Variants in UNC5D observed in about 807,000 individuals in gnomAD.
UNC5D encodes unc-5 netrin receptor D.
Under a neutral mutation model 105.4 loss-of-function variants are expected in UNC5D, and 39 were observed. The observed-to-expected ratio is 0.37, with a 90% CI of 0.29 to 0.48. The LOEUF (loss-of-function observed/expected upper bound fraction) is 0.48. Ranked by LOEUF, UNC5D falls within the 20% of genes least tolerant of loss-of-function variation. UNC5D has a pLI of 0.98. For missense variants in UNC5D, 991 were observed against 1,202.4 expected, an observed-to-expected ratio of 0.82 and a Z score of 2.60; for synonymous variants, 452 against 450.4, an observed-to-expected ratio of 1.00 and a Z score of -0.04.
intron 1 of UNC5D, among the ~76,000 whole-genome samples, chr8:35,432,078 T>G (rs1806682624): frequency 6.6e-6 from 1 of 152,146 alleles, no homozygotes; most frequent in Non-Finnish European, 1.5e-5. Context: ...CTGGAGTCAG[T>G]ATACCTGAGT....
At chr8:35,428,423 C>T (rs1213616621) in intron 1 of UNC5D, among the ~76,000 whole-genome samples, 4 of 142,308 alleles carry the variant, frequency 2.8e-5, no homozygotes, top group Middle Eastern at 3.9e-3. Context: ...TGGGCTCAAG[C>T]GATCCTCCTG....
At chr8:35,381,425 C>A (rs1444617183) in intron 1 of UNC5D, among the ~76,000 whole-genome samples, 4 of 152,142 alleles carry the variant, frequency 2.6e-5, no homozygotes, top group Admixed American at 6.5e-5. Flanking sequence ...GTTAACAGAT[C>A]CCTTCCAGCT....
At chr8:35,469,077 C>A (rs1286275987) in intron 1 of UNC5D, among the ~76,000 whole-genome samples, 2 of 152,152 alleles carry the variant, frequency 1.3e-5, no homozygotes, top group East Asian at 3.9e-4. Context: ...TCCTCACTAA[C>A]AGGACTCTTG....
intron 1 of UNC5D, among the ~76,000 whole-genome samples, chr8:35,341,280 T>C (rs1811435410): frequency 6.6e-6 from 1 of 152,066 alleles, no homozygotes; most frequent in Non-Finnish European, 1.5e-5. Flanking sequence ...TTTTGATATC[T>C]ATGGGGAAAA....
intron 1 of UNC5D, among the ~76,000 whole-genome samples, chr8:35,322,194 T>A (rs145965586): frequency 6.6e-6 from 1 of 152,274 alleles, no homozygotes; most frequent in African/African-American, 2.4e-5. Flanking sequence ...AAAGGGATAT[T>A]TATTTCCTTG....
chr8:35,653,913 T>G (rs1004728368), intron 4 of UNC5D, among the ~76,000 whole-genome samples: 1 of 152,326 alleles, frequency 6.6e-6, no homozygotes, highest in African/African-American at 2.4e-5. Flanking sequence ...TGCACATTCC[T>G]ATTCATAAGA....
At chr8:35,306,432 A>C (rs750040493) in intron 1 of UNC5D, among the ~76,000 whole-genome samples, 2 of 152,110 alleles carry the variant, frequency 1.3e-5, no homozygotes, top group Admixed American at 6.6e-5. Context: ...ACTTTTAGCC[A>C]GTCCTAACAT....
chr8:35,288,649 G>T (rs1411312788), intron 1 of UNC5D, among the ~76,000 whole-genome samples: 1 of 152,102 alleles, frequency 6.6e-6, no homozygotes, highest in Non-Finnish European at 1.5e-5. Context: ...AACAACTATA[G>T]CTAGAATAAA....
chr8:35,274,176 TA>T, intron 1 of UNC5D, among the ~76,000 whole-genome samples: 1 of 152,300 alleles, frequency 6.6e-6, no homozygotes, highest in Middle Eastern at 3.4e-3. Context: ...AATCTTTTCT[TA>T]GTCATCAGAA....
chr8:35,668,885 G>GT (rs1022125299), intron 4 of UNC5D, among the ~76,000 whole-genome samples: 2 of 151,712 alleles, frequency 1.3e-5, no homozygotes, highest in African/African-American at 2.4e-5. Flanking sequence ...ACTTAAAATG[G>GT]TTTTTTTTCT....
Position 35,305,597 on chromosome 8 carries a change from C to CA in UNC5D, c.103+69710_103+69711insA, listed in dbSNP as rs1554505772. Among the ~76,000 whole-genome samples, 846 of 86,784 alleles carry CA rather than the reference C, an allele frequency of 9.7e-3. 5 individuals carry two copies. Among genetic ancestry groups the CA allele is most frequent in the African/African-American group, 0.012 (358 of 31,008 alleles). 56.9% of individuals were successfully genotyped at this position (86,784 alleles called of 152,430 possible). On this transcript the variant is annotated intron_variant, in intron 1 of 16. Transcript: ENST00000404895. ...TTTCTTTTTCTTTCTTTCTTTCTTT[C>CA]TTTCTTTCTTTCTTTCTTTCTTTCT... is the stretch of plus-strand genomic sequence containing the variant.
intron 1 of UNC5D, among the ~76,000 whole-genome samples, chr8:35,271,735 A>ATGTATACATATATG (rs1805404030): frequency 7.4e-6 from 1 of 135,958 alleles, no homozygotes; most frequent in Non-Finnish European, 1.6e-5. Context: ...ACATGTATAC[A>ATGTATACATATATG]TATATATTTA....
intron 1 of UNC5D, among the ~76,000 whole-genome samples, chr8:35,359,155 A>C (rs1336798101): frequency 6.6e-6 from 1 of 152,226 alleles, no homozygotes; most frequent in Non-Finnish European, 1.5e-5. Flanking sequence ...GTCTTTAAAA[A>C]ACAGACAAAA....
intron 4 of UNC5D, among the ~76,000 whole-genome samples, chr8:35,659,269 CAT>C (rs1370596036): frequency 1.3e-5 from 2 of 152,122 alleles, no homozygotes; most frequent in Non-Finnish European, 1.5e-5. Flanking sequence ...ATGACAGCCC[CAT>C]GATTGAATGT....
chr8:35,711,934 G>A (rs980610914), intron 8 of UNC5D, among the ~76,000 whole-genome samples: 1 of 152,128 alleles, frequency 6.6e-6, no homozygotes, highest in Non-Finnish European at 1.5e-5. Context: ...ATTAATATTT[G>A]TTGTGCTGTG....
chr8:35,663,965 C>T (rs933645612), intron 4 of UNC5D, among the ~76,000 whole-genome samples: 9 of 152,126 alleles, frequency 5.9e-5, no homozygotes, highest in Non-Finnish European at 1.3e-4. Flanking sequence ...GTTGTAACCA[C>T]CAGCCAGATG....
intron 1 of UNC5D, among the ~76,000 whole-genome samples, chr8:35,422,917 T>C (rs572926024): frequency 6.6e-6 from 1 of 152,294 alleles, no homozygotes; most frequent in African/African-American, 2.4e-5. Context: ...GTAGATGTTA[T>C]ATTGGAGGCT....
chr8:35,262,062 T>C (rs1438763148), intron 1 of UNC5D, among the ~76,000 whole-genome samples: 3 of 152,184 alleles, frequency 2.0e-5, no homozygotes, highest in Non-Finnish European at 4.4e-5. Flanking sequence ...AAGAGGATGA[T>C]TCTGGGCACT....
At chr8:35,379,523 G>A (rs1321486703) in intron 1 of UNC5D, among the ~76,000 whole-genome samples, 1 of 152,090 alleles carries the variant, frequency 6.6e-6, no homozygotes, top group Non-Finnish European at 1.5e-5. Flanking sequence ...TTACGTCTGT[G>A]TGACTCTTTT....
Sources: gnomAD v4.1 joint callset for allele counts (sites outside exome capture counted in the v4.1 genomes callset) on GRCh38, gnomAD v4.1.1 for gene constraint, MANE v1.5 for transcripts, NCBI Gene and HGNC (gene_info 2026-07-23, HGNC 2026-07-21) for gene names.